ZNF469: variants seen among roughly 807,000 people sequenced by gnomAD.
ZNF469 encodes the protein zinc finger protein 469.
In ZNF469, 1 loss-of-function variant was observed where a neutral mutation model predicts 1.0. The observed-to-expected ratio is 1.00, with a 90% CI of 0.35 to 4.73. ZNF469 has a LOEUF of 4.73. ZNF469 is among the 30% of genes most tolerant of loss of function. ZNF469 has a pLI of 0.16. For synonymous variants in ZNF469, 2,703 were observed against 2,363.4 expected (o/e 1.14, Z -4.17); for missense variants, 6,100 against 5,356.3 (o/e 1.14, Z -4.33).
chr16:88,321,133 G>A, the ZNF469 span, among the ~76,000 whole-genome samples: 1 of 152,262 alleles, frequency 6.6e-6, no homozygotes, highest in Admixed American at 6.5e-5. Context: ...ATGCCGCAGG[G>A]ACCAAGCTCC....
the ZNF469 span, among the ~76,000 whole-genome samples, chr16:88,292,798 C>A: frequency 1.2e-3 from 130 of 111,034 alleles, no homozygotes; most frequent in Middle Eastern, 4.5e-3. Flanking sequence ...CCTGTGTTAT[C>A]AAAAAAAAAA....
At chr16:88,360,957 T>A in the ZNF469 span, among the ~76,000 whole-genome samples, 1 of 152,248 alleles carries the variant, frequency 6.6e-6, no homozygotes, top group East Asian at 1.9e-4. Flanking sequence ...AGCACATTAC[T>A]TTTATTGTGC....
chr16:88,352,109 G>C, the ZNF469 span, among the ~76,000 whole-genome samples: 1 of 152,158 alleles, frequency 6.6e-6, no homozygotes, highest in Non-Finnish European at 1.5e-5. Flanking sequence ...CCATGGGTGC[G>C]AGGGGCTGGG....
chr16:88,432,557 C>T lies in ZNF469; in HGVS notation c.5087C>T (p.Pro1696Leu), dbSNP rs115487796. ...SPRGANFHFQPVQKAGASKTG... is the reference protein window; with the variant it reads ...SPRGANFHFQLVQKAGASKTG... ...AGGGGAGCCAACTTCCATTTTCAGC[C>T]AGTGCAGAAAGCCGGAGCCTCCAAG... The change falls in exon 3 of 3, where the codon CCA becomes CTA. Residue 1696 changes from proline (P) to leucine (L), a missense_variant. Pro to Leu is a moderately conservative substitution (Grantham distance 98, BLOSUM62 -3). Coordinates refer to ENST00000565624, the MANE Select transcript of ZNF469 (RefSeq NM_001367624.2). The T allele has an allele frequency of 1.5e-3, 2,391 of 1,550,408 alleles. 38 individuals are homozygous for T. In the African/African-American group the frequency reaches 0.028, roughly 18 times the overall value.
At chr16:88,355,145 C>A in the ZNF469 span, among the ~76,000 whole-genome samples, 1 of 152,180 alleles carries the variant, frequency 6.6e-6, no homozygotes, top group Non-Finnish European at 1.5e-5. Flanking sequence ...GCTGCAGACA[C>A]TCAGCTCCGC....
the ZNF469 span, among the ~76,000 whole-genome samples, chr16:88,375,204 C>A: frequency 6.6e-6 from 1 of 152,218 alleles, no homozygotes; most frequent in Non-Finnish European, 1.5e-5. Flanking sequence ...AGAAAAGATT[C>A]CAAGAGCAGC....
chr16:88,399,127 G>A (rs1904783735), intron 1 of ZNF469, among the ~76,000 whole-genome samples: 1 of 152,246 alleles, frequency 6.6e-6, no homozygotes, highest in African/African-American at 2.4e-5. Context: ...TGGCCACCCA[G>A]GGGCTGCATG....
the ZNF469 span, among the ~76,000 whole-genome samples, chr16:88,296,142 A>T: frequency 6.6e-6 from 1 of 152,028 alleles, no homozygotes; most frequent in African/African-American, 2.4e-5. Flanking sequence ...TTTCCCCGAG[A>T]GTGGCCCTGA....
chr16:88,357,788 C>A, the ZNF469 span, among the ~76,000 whole-genome samples: 1 of 152,262 alleles, frequency 6.6e-6, no homozygotes, highest in Admixed American at 6.5e-5. Context: ...GTGCAGCATG[C>A]GCTCACTGCC....
At chr16:88,303,324 C>T in the ZNF469 span, among the ~76,000 whole-genome samples, 5 of 152,210 alleles carry the variant, frequency 3.3e-5, no homozygotes, top group South Asian at 2.1e-4. Context: ...TCTCCTGGGC[C>T]CCGTTGGCTG....
At chr16:88,320,840 C>T in the ZNF469 span, among the ~76,000 whole-genome samples, 9 of 152,168 alleles carry the variant, frequency 5.9e-5, no homozygotes, top group African/African-American at 1.9e-4. Context: ...CAGTCAATGC[C>T]GAACCCACCC....
the ZNF469 span, among the ~76,000 whole-genome samples, chr16:88,162,824 G>A: frequency 6.6e-6 from 1 of 152,152 alleles, no homozygotes; most frequent in Non-Finnish European, 1.5e-5. Flanking sequence ...TTATTTTTGT[G>A]TTAATTATTC....
chr16:88,153,558 A>T, the ZNF469 span, among the ~76,000 whole-genome samples: 1 of 152,188 alleles, frequency 6.6e-6, no homozygotes, highest in African/African-American at 2.4e-5. Flanking sequence ...TGGGGACACA[A>T]ATGGCACGTG....
In ZNF469 at chr16:88,432,586, G is replaced by A; in HGVS notation, c.5116G>A (p.Gly1706Arg). The A allele has an allele frequency of 6.4e-7, 1 of 1,550,436 alleles. No homozygotes were observed. ...GCAGAAAGCCGGAGCCTCCAAGACT[G>A]GACTTTGCCAGGCAGAAGGAGACAG... ...PVQKAGASKT[G>R]LCQAEGDSRP... Residue 1706 changes from glycine (G) to arginine (R), a missense_variant, in exon 3 of 3, where the codon GGA becomes AGA. Transcript: ENST00000565624.
the ZNF469 span, among the ~76,000 whole-genome samples, chr16:88,232,513 C>G: frequency 1.3e-5 from 2 of 152,340 alleles, no homozygotes; most frequent in East Asian, 3.9e-4. Context: ...AGCATCTTTC[C>G]TCCATCCTGA....
the ZNF469 span, among the ~76,000 whole-genome samples, chr16:88,181,801 AT>A: frequency 1.5e-4 from 23 of 152,230 alleles, no homozygotes; most frequent in Non-Finnish European, 2.9e-4. Flanking sequence ...GAATATGATA[AT>A]GATCGAAGCA....
At chr16:88,287,509 A>G in the ZNF469 span, among the ~76,000 whole-genome samples, 1 of 152,228 alleles carries the variant, frequency 6.6e-6, no homozygotes, top group Non-Finnish European at 1.5e-5. Context: ...AGCACCTGCT[A>G]CCCTTGAACT....
In ZNF469 at chr16:88,428,544, T is replaced by A. The variant is rs1399057216; in HGVS notation, c.1074T>A (p.Pro358=). 6.5e-7 allele frequency: 1 copy of A among 1,550,100 alleles called. No individual in the cohort carries two copies. Among genetic ancestry groups the A allele is most frequent in the Non-Finnish European group, 8.7e-7 (1 of 1,146,850 alleles). The change falls in exon 3 of 3, where the codon CCT becomes CCA. Residue 358 remains proline (P), a synonymous_variant. Coordinates refer to ENST00000565624, the MANE Select transcript of ZNF469 (RefSeq NM_001367624.2). The part of the protein sequence containing the change: ...HSDLSGALSS[P]GAAHSAPRPF... ...ACCTCAGTGGTGCCCTCTCTTCCCCTGGAGCTGCTCACTCGGCCCCGAGAC... is the reference window on the plus strand; with the variant it reads ...ACCTCAGTGGTGCCCTCTCTTCCCCAGGAGCTGCTCACTCGGCCCCGAGAC...
chr16:88,110,907 A>C, the ZNF469 span, among the ~76,000 whole-genome samples: 45 of 152,366 alleles, frequency 3.0e-4, no homozygotes, highest in Non-Finnish European at 6.0e-4. Context: ...CGGGACAGGC[A>C]CTGGGAAACC....
Sources: gnomAD v4.1 joint callset for allele counts (sites outside exome capture counted in the v4.1 genomes callset) on GRCh38, gnomAD v4.1.1 for gene constraint, MANE v1.5 for transcripts, NCBI Gene and HGNC (gene_info 2026-07-23, HGNC 2026-07-21) for gene names.